BICC1: variants seen among roughly 807,000 people sequenced by gnomAD.
BICC1 encodes the protein protein bicaudal C homolog 1.
In BICC1, 43 loss-of-function variants were observed where a neutral mutation model predicts 111.0. The observed-to-expected ratio is 0.39, with a 90% CI of 0.30 to 0.50. The LOEUF is 0.50. BICC1 is among the 20% of genes least tolerant of loss of function. BICC1 has a pLI of 0.88. For missense variants in BICC1, 1,091 were observed against 1,203.2 expected, an observed-to-expected ratio of 0.91 and a Z score of 1.38; for synonymous variants, 467 against 434.4, an observed-to-expected ratio of 1.07 and a Z score of -0.93.
rs139424459 is a variant in BICC1, at chr10:58,593,067, G to A, written c.191-27788G>A. ...TGTGGGGAGGGGTGTCCTCAGCAAT[G>A]GTCCACCATTGCCTATGCTTGAGTA... On this transcript the variant is annotated intron_variant, in intron 1 of 20. Transcript: ENST00000373886. Among the ~76,000 whole-genome samples the A allele has an allele frequency of 2.7e-3, 410 of 151,790 alleles. 4 individuals carry two copies. The highest frequency in any genetic ancestry group is 9.3e-3 in the African/African-American group (383 of 41,396).
Position 58,739,708 on chromosome 10 carries a change from A to T in BICC1, c.307+37565A>T, listed in dbSNP as rs533448699. On this transcript the variant is annotated intron_variant, in intron 3 of 20. Coordinates refer to ENST00000373886, the MANE Select transcript of BICC1 (RefSeq NM_001080512.3). The stretch of plus-strand genomic sequence containing the variant: ...TTGGGTTTACTGTTTTGTCAAATTA[A>T]AAATCAAAATCTATATATAGATATA... 2.0e-5 allele frequency among the ~76,000 whole-genome samples: 3 copies of T among 152,290 alleles called. No individual in the cohort carries two copies. The East Asian group carries it at 5.8e-4, about 29-fold the overall frequency.
intron 1 of BICC1, among the ~76,000 whole-genome samples, chr10:58,523,831 A>G (rs1842458308): frequency 6.6e-6 from 1 of 152,202 alleles, no homozygotes; most frequent in African/African-American, 2.4e-5. Context: ...AAATCTCCTT[A>G]AGCTGATAGA....
chr10:58,658,141 A>G (rs1412354129), intron 2 of BICC1, among the ~76,000 whole-genome samples: 1 of 152,126 alleles, frequency 6.6e-6, no homozygotes, highest in Non-Finnish European at 1.5e-5. Flanking sequence ...TATTATGCCA[A>G]TTTCTGTTCA....
chr10:58,648,024 T>C (rs1283281819), intron 2 of BICC1, among the ~76,000 whole-genome samples: 1 of 152,246 alleles, frequency 6.6e-6, no homozygotes, highest in East Asian at 1.9e-4. Flanking sequence ...TGCTAAGTTA[T>C]TGTCTTAACT....
intron 20 of BICC1, chr10:58,823,415 G>C (rs563499477): frequency 3.6e-5 from 35 of 984,476 alleles, no homozygotes. Flanking sequence ...AGTAGGACTT[G>C]ACCTTGATAA....
At chr10:58,666,219 A>G (rs1839005520) in intron 2 of BICC1, among the ~76,000 whole-genome samples, 1 of 152,236 alleles carries the variant, frequency 6.6e-6, no homozygotes. Context: ...GTGCAGAAAG[A>G]GTGAGATTGG....
intron 3 of BICC1, among the ~76,000 whole-genome samples, chr10:58,738,918 T>A (rs903610002): frequency 1.8e-4 from 28 of 151,664 alleles, no homozygotes; most frequent in Admixed American, 1.7e-3. Flanking sequence ...TGCTTGTGAT[T>A]TTTGCACATT....
intron 2 of BICC1, among the ~76,000 whole-genome samples, chr10:58,662,318 G>A (rs1483851031): frequency 6.6e-6 from 1 of 152,134 alleles, no homozygotes; most frequent in Non-Finnish European, 1.5e-5. Flanking sequence ...TGAAGGAATT[G>A]GAAGGATATT....
rs114333540 is a variant in BICC1 at position 58,530,598 on chromosome 10, A to G, written c.190+17265A>G. The stretch of plus-strand genomic sequence containing the variant: ...GGTTGATACCTATGCCGAACTGTTT[A>G]CTGTAGCCTCGCTGGAATCAGAGAT... On this transcript the variant is annotated intron_variant, in intron 1 of 20. Transcript: ENST00000373886. Among the ~76,000 whole-genome samples the G allele has an allele frequency of 9.8e-3, 1,473 of 151,036 alleles. 32 individuals carry two copies. The highest frequency in any genetic ancestry group is 0.031 in the African/African-American group (1,289 of 41,284).
chr10:58,764,818 C>A (rs1842413997), intron 3 of BICC1, among the ~76,000 whole-genome samples: 1 of 151,898 alleles, frequency 6.6e-6, no homozygotes, highest in Non-Finnish European at 1.5e-5. Context: ...AAAACTAAAC[C>A]TGGATAAGTT....
At chr10:58,750,917 G>A (rs1266626984) in intron 3 of BICC1, among the ~76,000 whole-genome samples, 2 of 152,098 alleles carry the variant, frequency 1.3e-5, no homozygotes, top group Non-Finnish European at 2.9e-5. Flanking sequence ...CCTATTTCGT[G>A]TTTGTGTTCT....
At chr10:58,684,982 T>C (rs542112029) in intron 2 of BICC1, among the ~76,000 whole-genome samples, 1 of 152,346 alleles carries the variant, frequency 6.6e-6, no homozygotes, top group East Asian at 1.9e-4. Context: ...TTTCAGATCT[T>C]TCCTGCTTTC....
At chr10:58,672,383 G>A (rs187624858) in intron 2 of BICC1, among the ~76,000 whole-genome samples, 6 of 152,082 alleles carry the variant, frequency 3.9e-5, no homozygotes, top group East Asian at 1.9e-4. Flanking sequence ...ACATAAGGAC[G>A]GGCACTTATT....
chr10:58,559,661 G>C (rs1016535215), intron 1 of BICC1, among the ~76,000 whole-genome samples: 9 of 151,952 alleles, frequency 5.9e-5, no homozygotes, highest in Admixed American at 6.6e-5. Flanking sequence ...TCCTTTTCTT[G>C]TTCCAATTCT....
At chr10:58,576,467 G>A (rs1039456268) in intron 1 of BICC1, among the ~76,000 whole-genome samples, 1 of 152,054 alleles carries the variant, frequency 6.6e-6, no homozygotes, top group African/African-American at 2.4e-5. Context: ...GGGAACACAC[G>A]GTTCATGTAC....
At position 58,745,553 on chromosome 10, in the gene BICC1, A is replaced by AG. The variant is rs1188210404; in HGVS notation, c.308-39447dup. On this transcript the variant is annotated intron_variant, in intron 3 of 20. Coordinates refer to ENST00000373886, the MANE Select transcript of BICC1 (RefSeq NM_001080512.3). ...AAAGCAGAACCATGTTCCCTTCTGG[A>AG]GACTGAGAATTTGTTTCCTTGCCTT... 7.3e-5 allele frequency among the ~76,000 whole-genome samples: 11 copies of AG among 150,300 alleles called. No homozygotes were observed. The South Asian group carries it at 1.9e-3, about 26-fold the overall frequency.
At chr10:58,725,476 G>T (rs1841076645) in intron 3 of BICC1, among the ~76,000 whole-genome samples, 1 of 152,126 alleles carries the variant, frequency 6.6e-6, no homozygotes, top group Admixed American at 6.5e-5. Context: ...ATCCTTGTTT[G>T]TGAAGTTGTC....
At chr10:58,628,670 C>T (rs1021554938) in intron 2 of BICC1, among the ~76,000 whole-genome samples, 1 of 152,072 alleles carries the variant, frequency 6.6e-6, no homozygotes, top group African/African-American at 2.4e-5. Flanking sequence ...TTGGATAGAG[C>T]CTGGCCAGTG....
At chr10:58,559,492 T>C (rs1843546162) in intron 1 of BICC1, among the ~76,000 whole-genome samples, 1 of 152,174 alleles carries the variant, frequency 6.6e-6, no homozygotes, top group African/African-American at 2.4e-5. Context: ...GTTCTAAGAA[T>C]TGGTGGAGAC....
Sources: allele counts gnomAD v4.1 joint callset (sites outside exome capture counted in the v4.1 genomes callset), GRCh38; gene constraint gnomAD v4.1.1; transcripts MANE v1.5; gene names NCBI Gene and HGNC (gene_info 2026-07-23, HGNC 2026-07-21).